PLEKHA5: variants seen among roughly 807,000 people sequenced by gnomAD.
PLEKHA5 encodes pleckstrin homology domain containing A5.
PLEKHA5 carries 55 observed loss-of-function variants against 181.9 expected under a neutral mutation model. That is an observed-to-expected ratio of 0.30 (90% CI 0.24 to 0.38). The LOEUF is 0.38. PLEKHA5 is among the 10% of genes least tolerant of loss of function. The pLI is 1.00. For synonymous variants in PLEKHA5, 535 were observed against 529.4 expected (o/e 1.01, Z -0.15); for missense variants, 1,432 against 1,549.5 (o/e 0.92, Z 1.27).
At chr12:19,156,409 A>AT (rs374233258) in intron 3 of PLEKHA5, among the ~76,000 whole-genome samples, 8 of 150,912 alleles carry the variant, frequency 5.3e-5, no homozygotes, top group East Asian at 3.9e-4. Flanking sequence ...TGAGAGACTG[A>AT]TTTTTTTTTC....
chr12:19,255,004 A>G (rs1000094840), intron 4 of PLEKHA5, 41 bp from the exon 5 acceptor site: 1 of 1,562,768 alleles, frequency 6.4e-7, no homozygotes, highest in African/African-American at 1.4e-5. Context: ...AAAGCGGGTT[A>G]CATACACAGC....
chr12:19,322,632 C>G lies in PLEKHA5; in HGVS notation c.2413C>G (p.Leu805Val), dbSNP rs200786346. The G allele has an allele frequency of 6.2e-7, 1 of 1,613,722 alleles. No homozygotes were observed. Among genetic ancestry groups the G allele is most frequent in the East Asian group, 2.2e-5 (1 of 44,864 alleles). ...LQRDDLQNGL[L>V]STCRELSRAT... ...AAGGGATGATTTACAAAATGGACTGCTTAGTACGTGTCGAGAACTTTCTCG... is the reference window on the plus strand; with the variant it reads ...AAGGGATGATTTACAAAATGGACTGGTTAGTACGTGTCGAGAACTTTCTCG... Residue 805 changes from leucine (L) to valine (V), a missense_variant, in exon 20 of 32, where the codon CTT becomes GTT. Coordinates refer to ENST00000429027, the MANE Select transcript of PLEKHA5 (RefSeq NM_001256470.2).
At chr12:19,304,036 T>C (rs1007498765) in intron 15 of PLEKHA5, among the ~76,000 whole-genome samples, 1 of 149,410 alleles carries the variant, frequency 6.7e-6, no homozygotes, top group Non-Finnish European at 1.5e-5. Flanking sequence ...CTTGAACTCC[T>C]GGCCTCAAGT....
At chr12:19,217,395 A>C (rs2058159356) in intron 3 of PLEKHA5, among the ~76,000 whole-genome samples, 1 of 152,214 alleles carries the variant, frequency 6.6e-6, no homozygotes, top group Admixed American at 6.5e-5. Context: ...GAAAGGCTAA[A>C]TATGTACAGG....
At chr12:19,270,125 A>G (rs1452933096) in intron 9 of PLEKHA5, 63 bp from the exon 10 acceptor site, 4 of 973,544 alleles carry the variant, frequency 4.1e-6, no homozygotes, top group Non-Finnish European at 4.4e-6. Flanking sequence ...ATTTTCACCT[A>G]TCGGTGTACT....
intron 27 of PLEKHA5, 85 bp downstream of exon 27, chr12:19,358,522 T>G: frequency 2.5e-6 from 2 of 815,624 alleles, no homozygotes; most frequent in Non-Finnish European, 4.1e-6. Flanking sequence ...TGATAGGTCT[T>G]AAAAGGTCTG....
At position 19,197,916 on chromosome 12, in the gene PLEKHA5, G is replaced by A. The variant is rs544886560; in HGVS notation, c.228-56024G>A. 5.1e-4 allele frequency among the ~76,000 whole-genome samples: 77 copies of A among 151,980 alleles called. 2 individuals carry two copies. In the South Asian group the frequency reaches 0.015, roughly 29 times the overall value. On this transcript the variant is annotated intron_variant, in intron 3 of 31. Coordinates refer to ENST00000429027, the MANE Select transcript of PLEKHA5 (RefSeq NM_001256470.2). Reference sequence around the variant, plus strand: ...ATTCTCAATTTTTCTCTTTCCTTCAGTTAACATCACCCCACCTCCCCTCCA... The same window carrying A: ...ATTCTCAATTTTTCTCTTTCCTTCAATTAACATCACCCCACCTCCCCTCCA...
intron 3 of PLEKHA5, among the ~76,000 whole-genome samples, chr12:19,245,539 C>G (rs1223717928): frequency 6.6e-6 from 1 of 151,702 alleles, no homozygotes; most frequent in Non-Finnish European, 1.5e-5. Flanking sequence ...ACCAGCCTGG[C>G]CAATATGGTG....
At chr12:19,244,987 A>C (rs1386312568) in intron 3 of PLEKHA5, among the ~76,000 whole-genome samples, 1 of 152,122 alleles carries the variant, frequency 6.6e-6, no homozygotes, top group Non-Finnish European at 1.5e-5. Flanking sequence ...TTAAAAAAAA[A>C]CCCCACCAAA....
intron 3 of PLEKHA5, among the ~76,000 whole-genome samples, chr12:19,187,612 T>C (rs2151919867): frequency 6.6e-6 from 1 of 152,296 alleles, no homozygotes; most frequent in Middle Eastern, 3.4e-3. Context: ...AGGTCAAGTT[T>C]TGCCATTTCT....
In PLEKHA5 at chr12:19,130,213, C is replaced by G. The variant is rs1165452785; in HGVS notation, c.169+83C>G. The G allele has an allele frequency of 1.8e-5, 14 of 780,920 alleles. No homozygotes were observed. In the East Asian group the frequency reaches 2.5e-4, roughly 14 times the overall value. The allele number at this position is 780,920 out of a possible 1,614,324, so 48.4% of individuals were successfully genotyped here. On this transcript the variant is annotated intron_variant, in intron 2 of 31. Transcript: ENST00000429027. The surrounding 1 kb of genome is among the most constrained non-coding windows in gnomAD (Gnocchi z 4.5). ...CCGCCCGGCTCCCCGCAACCTGCCC[C>G]GCGCCGCGGGCCCCGGGAGGCGGCG...
chr12:19,182,322 T>A (rs990761634), intron 3 of PLEKHA5, among the ~76,000 whole-genome samples: 1 of 152,214 alleles, frequency 6.6e-6, no homozygotes, highest in African/African-American at 2.4e-5. Context: ...TGAGACAGTT[T>A]TGGCATTTTT....
At chr12:19,215,408 G>T (rs2057770880) in intron 3 of PLEKHA5, among the ~76,000 whole-genome samples, 2 of 152,102 alleles carry the variant, frequency 1.3e-5, no homozygotes, top group Non-Finnish European at 2.9e-5. Context: ...TTTCTAGCAT[G>T]CAGAAATGGC....
At chr12:19,342,161 G>A (rs1005432244) in intron 21 of PLEKHA5, among the ~76,000 whole-genome samples, 1 of 152,160 alleles carries the variant, frequency 6.6e-6, no homozygotes, top group Admixed American at 6.5e-5. Context: ...CAATGTGACA[G>A]TTTTTGTATG....
At chr12:19,302,944 TGGA>T (rs1381118271) in intron 15 of PLEKHA5, among the ~76,000 whole-genome samples, 3 of 119,742 alleles carry the variant, frequency 2.5e-5, no homozygotes, top group Admixed American at 2.1e-4. Flanking sequence ...TTTTTTGAGA[TGGA>T]GTCCTGCTCT....
intron 3 of PLEKHA5, 114 bp from the exon 4 acceptor site, chr12:19,253,826 C>CA (rs1247690846): frequency 9.2e-4 from 677 of 736,824 alleles, no homozygotes; most frequent in Middle Eastern, 1.5e-3. Flanking sequence ...GTCTCAAAAA[C>CA]AAAAAAAAAG....
chr12:19,268,977 T>C (rs1273033456), intron 8 of PLEKHA5, among the ~76,000 whole-genome samples: 1 of 152,192 alleles, frequency 6.6e-6, no homozygotes, highest in Non-Finnish European at 1.5e-5. Flanking sequence ...CAGCAGTGCC[T>C]TTTGAGGCCT....
intron 30 of PLEKHA5, among the ~76,000 whole-genome samples, chr12:19,366,447 G>T (rs961609223): frequency 2.6e-5 from 4 of 152,126 alleles, no homozygotes; most frequent in African/African-American, 9.7e-5. Flanking sequence ...GAGGTCAGGG[G>T]TTCAAGACCA....
chr12:19,265,599 A>G (rs2070088333), intron 7 of PLEKHA5, 151 bp from the exon 8 acceptor site: 2 of 554,828 alleles, frequency 3.6e-6, no homozygotes, highest in South Asian at 5.1e-5. Context: ...GCTATTTGAT[A>G]TTTTCATTTA....
Sources: gnomAD v4.1 joint callset for allele counts (sites outside exome capture counted in the v4.1 genomes callset) on GRCh38, gnomAD v4.1.1 for gene constraint, Gnocchi (gnomAD v3.1) non-coding constraint, MANE v1.5 for transcripts, NCBI Gene and HGNC (gene_info 2026-07-23, HGNC 2026-07-21) for gene names.